Variants in NEXMIF observed in about 807,000 individuals in gnomAD.
The protein encoded by NEXMIF is neurite extension and migration factor.
Under a neutral mutation model 62.1 loss-of-function variants are expected in NEXMIF, and 8 were observed. The ratio of observed to expected loss-of-function variants is 0.13; its 90% CI spans 0.08 to 0.23. NEXMIF has a LOEUF of 0.23. Ranked by LOEUF, NEXMIF falls within the 10% of genes least tolerant of loss-of-function variation. The pLI, the probability that NEXMIF is intolerant of heterozygous loss-of-function variation, is 1.00. For missense variants in NEXMIF, 976 were observed against 1,113.3 expected (o/e 0.88, Z 1.75); for synonymous variants, 404 against 416.6 (o/e 0.97, Z 0.37).
In NEXMIF at chrX:74,885,385, T is replaced by C. The variant is rs766991453; in HGVS notation, c.-48+39498A>G. On this transcript the variant is annotated intron_variant, in intron 1 of 3. Transcript: ENST00000055682. ...TGGTTTTTTGAAAAGATCAACAAAA[T>C]TGATAGACCGCTAGCAAGAATAATA... Among the ~76,000 whole-genome samples, 11 of 110,887 alleles carry C rather than the reference T, an allele frequency of 9.9e-5. No individual in the cohort carries two copies. The East Asian group carries it at 2.5e-3, about 26-fold the overall frequency.
At chrX:74,768,372 C>G (rs1209138953) in intron 1 of NEXMIF, among the ~76,000 whole-genome samples, 1 of 111,988 alleles carries the variant, frequency 8.9e-6, no homozygotes, top group Non-Finnish European at 1.9e-5. Context: ...ATCTACTTGC[C>G]ACTTCTCTCC....
At chrX:74,880,842 C>T (rs2080659866) in intron 1 of NEXMIF, among the ~76,000 whole-genome samples, 2 of 112,046 alleles carry the variant, frequency 1.8e-5, no homozygotes, top group Admixed American at 1.9e-4. Context: ...ATATACACTG[C>T]TCTCTCCTTA....
At chrX:74,903,223 T>C (rs1278899076) in intron 1 of NEXMIF, among the ~76,000 whole-genome samples, 2 of 110,341 alleles carry the variant, frequency 1.8e-5, no homozygotes, top group Non-Finnish European at 3.8e-5. Flanking sequence ...AAGAAAATCA[T>C]TTGGCAGGGG....
chrX:74,830,852 T>A (rs2080433880), intron 1 of NEXMIF, among the ~76,000 whole-genome samples: 1 of 112,178 alleles, frequency 8.9e-6, no homozygotes, highest in African/African-American at 3.2e-5. Context: ...TTTTTCAGAT[T>A]ATTCACTCTT....
chrX:74,925,178 G>A lies in NEXMIF; in HGVS notation c.-343C>T, dbSNP rs2147380276. 8.6e-6 allele frequency: 1 copy of A among 115,947 alleles called. No individual in the cohort carries two copies. Among genetic ancestry groups the A allele is most frequent in the East Asian group, 2.8e-4 (1 of 3,562 alleles). The allele number at this position is 115,947 out of a possible 1,213,427, so 9.6% of individuals were successfully genotyped here. A position where few individuals can be genotyped will look rare whatever the true frequency, so the allele number is the denominator to read the frequency against. ...TCTGGCCCTGAAACTCAGAGCCTCC[G>A]CGGCTGCCCGGCTGCTCCAAGGGTC... On this transcript the variant is annotated 5_prime_UTR_variant, in exon 1 of 4. Transcript: ENST00000055682.
intron 1 of NEXMIF, among the ~76,000 whole-genome samples, chrX:74,839,057 A>G (rs1051782997): frequency 8.9e-6 from 1 of 111,850 alleles, no homozygotes; most frequent in Admixed American, 9.5e-5. Context: ...GTAAACATGC[A>G]TCCCCTACCT....
intron 1 of NEXMIF, among the ~76,000 whole-genome samples, chrX:74,924,030 G>A (rs915922457): frequency 2.7e-5 from 3 of 111,557 alleles, no homozygotes; most frequent in South Asian, 7.5e-4. Flanking sequence ...CGGGTGATTC[G>A]GTCCCTCACG....
At chrX:74,880,213 T>C in intron 1 of NEXMIF, among the ~76,000 whole-genome samples, 1 of 111,862 alleles carries the variant, frequency 8.9e-6, no homozygotes. Context: ...GAATAAACAC[T>C]CTCTACACCC....
intron 1 of NEXMIF, among the ~76,000 whole-genome samples, chrX:74,854,780 A>C (rs982949090): frequency 8.9e-6 from 1 of 111,986 alleles, no homozygotes; most frequent in African/African-American, 3.2e-5. Context: ...AGCTGAGAAG[A>C]AATCAAGAAG....
chrX:74,776,045 A>G (rs894333315), intron 1 of NEXMIF, among the ~76,000 whole-genome samples: 1 of 111,723 alleles, frequency 9.0e-6, no homozygotes, highest in Non-Finnish European at 1.9e-5. Context: ...ATAGAATTTT[A>G]CCTGGAAAAG....
chrX:74,919,840 T>C, intron 1 of NEXMIF, among the ~76,000 whole-genome samples: 1 of 110,625 alleles, frequency 9.0e-6, no homozygotes, highest in East Asian at 2.9e-4. Flanking sequence ...GTGTTCTCAT[T>C]GTTCAATTCC....
rs2080077686 is a variant in NEXMIF, at chrX:74,733,439, A to C, written c.*5966T>G. The C allele has an allele frequency of 8.9e-6, 1 of 111,867 alleles. No homozygotes were observed. The highest frequency in any genetic ancestry group is 1.9e-5 in the Non-Finnish European group (1 of 53,126). 9.2% of individuals were successfully genotyped at this position (111,867 alleles called of 1,213,427 possible). On this transcript the variant is annotated 3_prime_UTR_variant, in exon 4 of 4. Transcript: ENST00000055682. ...TTATAATAGTATTGGTCTGTGATGG[A>C]TTGCAAAAACTATTGGTCCCTCACC...
At chrX:74,891,476 T>C (rs186456392) in intron 1 of NEXMIF, among the ~76,000 whole-genome samples, 1 of 111,984 alleles carries the variant, frequency 8.9e-6, no homozygotes, top group African/African-American at 3.2e-5. Context: ...TGGCAGTGCA[T>C]GGCAACATAC....
chrX:74,854,435 A>G (rs2211466), intron 1 of NEXMIF, among the ~76,000 whole-genome samples: 8,303 of 111,522 alleles, frequency 0.074, 308 homozygotes, highest in Admixed American at 0.12. Context: ...TCAACATACT[A>G]AAGACCGTAT....
intron 1 of NEXMIF, among the ~76,000 whole-genome samples, chrX:74,781,414 G>A (rs1165423253): frequency 1.8e-5 from 2 of 109,508 alleles, no homozygotes; most frequent in Non-Finnish European, 3.9e-5. Flanking sequence ...ATCAGAGGAA[G>A]AGTGGAGGGA....
chrX:74,912,553 GAGT>G (rs1262861212), intron 1 of NEXMIF, among the ~76,000 whole-genome samples: 1 of 111,236 alleles, frequency 9.0e-6, no homozygotes, highest in Non-Finnish European at 1.9e-5. Context: ...TTAACCAGAT[GAGT>G]TCTCTGTGCC....
intron 1 of NEXMIF, among the ~76,000 whole-genome samples, chrX:74,874,941 A>G (rs1300269379): frequency 2.7e-5 from 3 of 110,488 alleles, no homozygotes; most frequent in African/African-American, 3.3e-5. Flanking sequence ...ATCTGCAAAC[A>G]GGGACAATTT....
At chrX:74,912,156 C>G (rs1159051585) in intron 1 of NEXMIF, among the ~76,000 whole-genome samples, 1 of 111,683 alleles carries the variant, frequency 9.0e-6, no homozygotes, top group Non-Finnish European at 1.9e-5. Flanking sequence ...AAAGTGCCAA[C>G]AAGTCAACAC....
chrX:74,756,850 A>G (rs1036373875), intron 1 of NEXMIF, among the ~76,000 whole-genome samples: 14 of 110,917 alleles, frequency 1.3e-4, no homozygotes, highest in Non-Finnish European at 2.4e-4. Context: ...CATAGGAAAC[A>G]CCCATTGCAC....
Sources: gnomAD v4.1 joint callset for allele counts (sites outside exome capture counted in the v4.1 genomes callset) on GRCh38, gnomAD v4.1.1 for gene constraint, MANE v1.5 for transcripts, NCBI Gene and HGNC (gene_info 2026-07-23, HGNC 2026-07-21) for gene names.